The following PCDHGA7 variants were observed in gnomAD, a reference collection of about 807,000 sequenced individuals.
PCDHGA7 encodes protocadherin gamma-A7.
PCDHGA7 carries 44 observed loss-of-function variants against 58.3 expected under a neutral mutation model. That is an observed-to-expected ratio of 0.75 (90% CI 0.59 to 0.97). The LOEUF (loss-of-function observed/expected upper bound fraction) is 0.97, where lower values mean the gene tolerates loss of function less well. PCDHGA7 is among the 50% of genes least tolerant of loss of function. The pLI, the probability that PCDHGA7 is intolerant of heterozygous loss-of-function variation, is 0.00. For missense variants in PCDHGA7, 1,266 were observed against 1,188.7 expected, an observed-to-expected ratio of 1.06 and a Z score of -0.96; for synonymous variants, 516 against 504.2, an observed-to-expected ratio of 1.02 and a Z score of -0.31.
Position 141,383,710 on chromosome 5 carries a change from G to A in PCDHGA7, c.811G>A (p.Glu271Lys), listed in dbSNP as rs1388027066. ...LLTVHAIDLD[E>K]GVNGEVTYSF... ...CACGGTACATGCTATCGACCTGGAC[G>A]AGGGAGTCAATGGGGAAGTGACATA... The change falls in exon 1 of 4, where the codon GAG becomes AAG. Residue 271 changes from glutamate to lysine, a missense_variant. By Grantham distance (56) the Glu-to-Lys change is moderately conservative. Transcript: ENST00000518325. 1.4e-5 allele frequency: 22 copies of A among 1,613,874 alleles called. No individual in the cohort carries two copies. Among genetic ancestry groups the A allele is most frequent in the Non-Finnish European group, 1.9e-5 (22 of 1,179,890 alleles).
intron 2 of PCDHGA7, among the ~76,000 whole-genome samples, chr5:141,503,744 A>G (rs1310696654): frequency 2.0e-5 from 3 of 152,112 alleles, no homozygotes; most frequent in African/African-American, 4.8e-5. Context: ...GATGGTATAG[A>G]GGTCACACAT....
chr5:141,404,771 C>T lies in PCDHGA7; in HGVS notation c.2424+19448C>T, dbSNP rs376650362. On this transcript the variant is annotated intron_variant, in intron 1 of 3. Coordinates refer to ENST00000518325, the MANE Select transcript of PCDHGA7 (RefSeq NM_018920.4). Reference sequence around the variant, plus strand: ...AGGCCAGAATGCTTGGCTCTCCTACCGCCTATTCAAGGCCAGTGAGCCAGG... The same window carrying T: ...AGGCCAGAATGCTTGGCTCTCCTACTGCCTATTCAAGGCCAGTGAGCCAGG... The T allele has an allele frequency of 3.3e-5, 53 of 1,613,868 alleles. No homozygotes were observed. Among genetic ancestry groups the T allele is most frequent in the African/African-American group, 1.9e-4 (14 of 74,938 alleles).
intron 2 of PCDHGA7, among the ~76,000 whole-genome samples, chr5:141,497,832 G>A (rs1326640712): frequency 1.3e-5 from 2 of 151,992 alleles, no homozygotes; most frequent in Non-Finnish European, 2.9e-5. Context: ...GATCGCCCCC[G>A]GCCACAACAA....
chr5:141,505,026 G>T (rs190826538), intron 2 of PCDHGA7, among the ~76,000 whole-genome samples: 1 of 152,198 alleles, frequency 6.6e-6, no homozygotes, highest in South Asian at 2.1e-4. Context: ...GCCTGGCACA[G>T]TGGCAGGTGC....
chr5:141,393,720 A>G (rs371093729), intron 1 of PCDHGA7: 2 of 1,613,770 alleles, frequency 1.2e-6, no homozygotes, highest in African/African-American at 1.3e-5. Context: ...GGAAATATCA[A>G]TAGCAAAAAG....
chr5:141,409,452 A>T, intron 1 of PCDHGA7: 1 of 1,613,990 alleles, frequency 6.2e-7, no homozygotes, highest in Non-Finnish European at 8.5e-7. Context: ...CAGACACCAG[A>T]ATACAATGTC....
intron 1 of PCDHGA7, among the ~76,000 whole-genome samples, chr5:141,442,736 A>C (rs2098340663): frequency 6.6e-6 from 1 of 152,226 alleles, no homozygotes; most frequent in African/African-American, 2.4e-5. Flanking sequence ...CCTGTAGGTA[A>C]GGAGCATGTT....
intron 1 of PCDHGA7, among the ~76,000 whole-genome samples, chr5:141,433,594 G>A (rs1331681563): frequency 1.3e-5 from 2 of 152,086 alleles, no homozygotes; most frequent in Admixed American, 1.3e-4. Context: ...CCAGTACTTT[G>A]GGAGGCCGAG....
chr5:141,382,749 G>A lies in PCDHGA7; in HGVS notation c.-151G>A. On this transcript the variant is annotated 5_prime_UTR_variant, in exon 1 of 4. Transcript: ENST00000518325. ...ACAGCACAGAGAAACGACAGATTGCGATAAGCCCTCTTCCAGGCTGCACTA... is the reference window on the plus strand; with the variant it reads ...ACAGCACAGAGAAACGACAGATTGCAATAAGCCCTCTTCCAGGCTGCACTA... 1 of 612,214 alleles carries A rather than the reference G, an allele frequency of 1.6e-6. No individual in the cohort carries two copies. Among genetic ancestry groups the A allele is most frequent in the Non-Finnish European group, 2.8e-6 (1 of 363,426 alleles). 37.9% of individuals were successfully genotyped at this position (612,214 alleles called of 1,614,324 possible). A position where few individuals can be genotyped will look rare whatever the true frequency, so the allele number is the denominator to read the frequency against.
intron 1 of PCDHGA7, among the ~76,000 whole-genome samples, chr5:141,456,046 C>T (rs759479772): frequency 1.3e-5 from 2 of 151,904 alleles, no homozygotes; most frequent in Non-Finnish European, 2.9e-5. Context: ...TACAGGCGCC[C>T]ACCACCACGT....
chr5:141,465,502 G>A (rs948827391), intron 1 of PCDHGA7, among the ~76,000 whole-genome samples: 6 of 152,268 alleles, frequency 3.9e-5, no homozygotes, highest in Admixed American at 2.0e-4. Context: ...GAGCATTGTC[G>A]TGGTCAGGAA....
rs775204388 is a variant in PCDHGA7, at chr5:141,490,235, G to T, written c.2425-4572G>T. On this transcript the variant is annotated intron_variant, in intron 1 of 3. Transcript: ENST00000518325. This position sits in a 1 kb window ranked among gnomAD's most constrained non-coding sequence, Gnocchi z 5.4. ...GACCAGGGACAGCCTGCCATGGAGG[G>T]CCACTGTGTGATTCAAGTGGATGTG... 1 of 1,614,228 alleles carries T rather than the reference G, an allele frequency of 6.2e-7. No homozygotes were observed. The highest frequency in any genetic ancestry group is 1.1e-5 in the South Asian group (1 of 91,084).
At chr5:141,447,214 A>G (rs2098530358) in intron 1 of PCDHGA7, among the ~76,000 whole-genome samples, 1 of 152,092 alleles carries the variant, frequency 6.6e-6, no homozygotes, top group Admixed American at 6.6e-5. Context: ...ATCTCGGCTC[A>G]CTGCAACCTC....
chr5:141,490,196 A>G lies in PCDHGA7; in HGVS notation c.2425-4611A>G, dbSNP rs748858034. On this transcript the variant is annotated intron_variant, in intron 1 of 3. Coordinates refer to ENST00000518325, the MANE Select transcript of PCDHGA7 (RefSeq NM_018920.4). The surrounding 1 kb of genome is among the most constrained non-coding windows in gnomAD (Gnocchi z 5.4). ...GAGGAGTCACGTTTCTATGAAATTCATGCAAGAGCCCGTGACCAGGGACAG... is the reference window on the plus strand; with the variant it reads ...GAGGAGTCACGTTTCTATGAAATTCGTGCAAGAGCCCGTGACCAGGGACAG... The G allele has an allele frequency of 3.7e-6, 6 of 1,614,196 alleles. No individual in the cohort carries two copies. The highest frequency in any genetic ancestry group is 4.2e-6 in the Non-Finnish European group (5 of 1,180,020).
intron 1 of PCDHGA7, chr5:141,404,736 A>T: frequency 6.2e-7 from 1 of 1,613,622 alleles, no homozygotes. Context: ...GTGGCAGTGG[A>T]CAGAGACTCA....
chr5:141,473,116 G>A (rs966472502), intron 1 of PCDHGA7, among the ~76,000 whole-genome samples: 19 of 152,114 alleles, frequency 1.2e-4, no homozygotes, highest in African/African-American at 4.6e-4. Context: ...ACTTTACTTG[G>A]CTCTTTGGCA....
At chr5:141,399,123 T>C (rs1221457638) in intron 1 of PCDHGA7, 12 of 1,613,828 alleles carry the variant, frequency 7.4e-6, no homozygotes, top group East Asian at 2.2e-5. Context: ...TTGAAATTAA[T>C]ATTCAAGATG....
In PCDHGA7 at chr5:141,477,967, C is replaced by A; in HGVS notation, c.2425-16840C>A. The A allele has an allele frequency of 6.2e-7, 1 of 1,614,150 alleles. No individual in the cohort carries two copies. Among genetic ancestry groups the A allele is most frequent in the Non-Finnish European group, 8.5e-7 (1 of 1,180,032 alleles). On this transcript the variant is annotated intron_variant, in intron 1 of 3. Transcript: ENST00000518325. The surrounding 1 kb of genome is among the most constrained non-coding windows in gnomAD (Gnocchi z 4.9). ...GTCTCTTGGGATCCCCTAACCAGAG[C>A]CTTTTTGCCATAGGGCTGCACACTG...
In PCDHGA7 at chr5:141,431,777, G is replaced by C. The variant is rs151011884; in HGVS notation, c.2424+46454G>C. 1.2e-6 allele frequency: 2 copies of C among 1,614,188 alleles called. No individual in the cohort carries two copies. The highest frequency in any genetic ancestry group is 4.5e-5 in the East Asian group (2 of 44,870). ...CAAAGTCCTGATCACTGTTCTGGAC[G>C]TGAACGACAATGCCCCAGAAGTGGT... On this transcript the variant is annotated intron_variant, in intron 1 of 3. Coordinates refer to ENST00000518325, the MANE Select transcript of PCDHGA7 (RefSeq NM_018920.4). The surrounding 1 kb of genome is among the most constrained non-coding windows in gnomAD (Gnocchi z 4.8).
Sources: allele counts gnomAD v4.1 joint callset (sites outside exome capture counted in the v4.1 genomes callset), GRCh38; gene constraint gnomAD v4.1.1; non-coding constraint Gnocchi (gnomAD v3.1); transcripts MANE v1.5; gene names NCBI Gene and HGNC (gene_info 2026-07-23, HGNC 2026-07-21).